The following ASMTL variants were observed in gnomAD, a reference collection of about 807,000 sequenced individuals.
ASMTL encodes the protein probable bifunctional dTTP/UTP pyrophosphatase/methyltransferase protein.
In ASMTL, 57 loss-of-function variants were observed where a neutral mutation model predicts 60.3. That is an observed-to-expected ratio of 0.95 (90% confidence interval 0.76 to 1.18). The LOEUF is 1.18. Among genes scored for constraint, ASMTL ranks in the 50% most tolerant of loss-of-function variants. ASMTL has a pLI of 0.00. For synonymous variants in ASMTL, 419 were observed against 373.0 expected, an observed-to-expected ratio of 1.12 and a Z score of -1.42; for missense variants, 981 against 852.6, an observed-to-expected ratio of 1.15 and a Z score of -1.88.
At chrX:1,446,220 G>A (rs1569534918) in intron 1 of ASMTL, among the ~76,000 whole-genome samples, 1 of 152,092 alleles carries the variant, frequency 6.6e-6, no homozygotes, top group Admixed American at 6.6e-5. Context: ...GCAGGGAAGG[G>A]CCCCCTGTCC....
At chrX:1,452,264 C>CGA (rs2091414535) in intron 1 of ASMTL, among the ~76,000 whole-genome samples, 1 of 146,310 alleles carries the variant, frequency 6.8e-6, no homozygotes, top group Admixed American at 6.7e-5. Context: ...TCCCGGGTTA[C>CGA]TCCCCCACCC....
intron 6 of ASMTL, among the ~76,000 whole-genome samples, chrX:1,428,646 C>CAAATAAATAAAATAAATAAAT (rs1556661381): frequency 7.4e-6 from 1 of 134,420 alleles, no homozygotes; most frequent in African/African-American, 2.7e-5. Context: ...GACTCCGTCT[C>CAAATAAATAAAATAAATAAAT]AAATAAATAA....
intron 11 of ASMTL, 151 bp from the exon 12 acceptor site, chrX:1,413,005 T>C: frequency 1.2e-6 from 1 of 827,872 alleles, no homozygotes; most frequent in Non-Finnish European, 2.0e-6. Flanking sequence ...TACATCCCCG[T>C]GGGGACTTGA....
In ASMTL at chrX:1,418,731, C is replaced by G. The variant is rs186038139; in HGVS notation, c.1378+251G>C. Among the ~76,000 whole-genome samples, 102 of 152,194 alleles carry G rather than the reference C, an allele frequency of 6.7e-4. 1 individual carries two copies. In the East Asian group the frequency reaches 0.018, roughly 27 times the overall value. ...CTTGCTGAGGGGAATCCAGGGGTTCCAAGGTGCTCTGCCTCAGCTCCGCAG... is the reference window on the plus strand; with the variant it reads ...CTTGCTGAGGGGAATCCAGGGGTTCGAAGGTGCTCTGCCTCAGCTCCGCAG... On this transcript the variant is annotated intron_variant, in intron 10 of 12. Transcript: ENST00000381317.
At chrX:1,446,600 A>C (rs1343120776) in intron 1 of ASMTL, among the ~76,000 whole-genome samples, 54 of 151,072 alleles carry the variant, frequency 3.6e-4, no homozygotes, top group Admixed American at 3.1e-3. Flanking sequence ...CCCAGGTTCA[A>C]GCGATTCTCC....
In ASMTL at chrX:1,443,239, G is replaced by A. The variant is rs1451715043; in HGVS notation, c.94-922C>T. On this transcript the variant is annotated intron_variant, in intron 1 of 12. Transcript: ENST00000381317. ...CACACCGTCGTCGTGCACACACACC[G>A]CCGTCGTGGACACACGCCGCCGTCT... is the stretch of plus-strand genomic sequence containing the variant. 1.5e-3 allele frequency among the ~76,000 whole-genome samples: 108 copies of A among 72,226 alleles called. 3 individuals are homozygous for A. Among genetic ancestry groups the A allele is most frequent in the East Asian group, 9.0e-4 (2 of 2,232 alleles). The allele number at this position is 72,226 out of a possible 152,430, so 47.4% of individuals were successfully genotyped here. A position where few individuals can be genotyped will look rare whatever the true frequency, so the allele number is the denominator to read the frequency against.
chrX:1,445,718 A>G (rs2091217276), intron 1 of ASMTL, among the ~76,000 whole-genome samples: 1 of 152,212 alleles, frequency 6.6e-6, no homozygotes, highest in African/African-American at 2.4e-5. Context: ...GATCTTAGAT[A>G]TGGTTATATA....
At chrX:1,432,783 C>T (rs182875746) in intron 5 of ASMTL, among the ~76,000 whole-genome samples, 3,197 of 150,634 alleles carry the variant, frequency 0.021, 8 homozygotes, top group East Asian at 0.061. Flanking sequence ...GAGCCGAGAT[C>T]GCGCCCCTGC....
At position 1,427,728 on chromosome X, in the gene ASMTL, A is replaced by T. The variant is rs1368173612; in HGVS notation, c.897+6T>A. The stretch of plus-strand genomic sequence containing the variant: ...AAATGTGGCCTGAGGAGACAGACAC[A>T]GGTACCTTGGATAGCATAAAGCCCT... On this transcript the variant is annotated splice_donor_region_variant and intron_variant, in intron 7 of 12. Coordinates refer to ENST00000381317, the MANE Select transcript of ASMTL (RefSeq NM_004192.4). The T allele has an allele frequency of 1.9e-6, 3 of 1,597,628 alleles. No individual in the cohort carries two copies. The highest frequency in any genetic ancestry group is 1.7e-6 in the Non-Finnish European group (2 of 1,168,558).
At position 1,417,991 on chromosome X, in the gene ASMTL, G is replaced by T. The variant is rs372399612; in HGVS notation, c.1504C>A (p.Gln502Lys). The T allele has an allele frequency of 6.2e-7, 1 of 1,612,488 alleles. No individual in the cohort carries two copies. Among genetic ancestry groups the T allele is most frequent in the Non-Finnish European group, 8.5e-7 (1 of 1,179,086 alleles). ...HFQPPGPQAVQIHFAAGDFFR... is the reference protein window; with the variant it reads ...HFQPPGPQAVKIHFAAGDFFR... ...GGCTCACCTGCTGCGAAGTGGATCT[G>T]CACTGCCTGCGGTCCGGGGGGTTGG... The change falls in exon 11 of 13, where the codon CAG becomes AAG. Residue 502 changes from glutamine to lysine, a missense_variant. Transcript: ENST00000381317.
Position 1,420,938 on chromosome X carries a change from A to C in ASMTL, c.1245+720T>G, listed in dbSNP as rs2090468851. 7.4e-5 allele frequency among the ~76,000 whole-genome samples: 11 copies of C among 148,476 alleles called. No homozygotes were observed. In the South Asian group the frequency reaches 2.4e-3, roughly 32 times the overall value. On this transcript the variant is annotated intron_variant, in intron 9 of 12. Transcript: ENST00000381317. The stretch of plus-strand genomic sequence containing the variant: ...CCTGGGCCTCCCAAAGTAGCTGCCT[A>C]ATCATACCTGGCTAATCGTTAATTT...
chrX:1,425,671 C>T lies in ASMTL; in HGVS notation c.914G>A (p.Cys305Tyr). 1 of 1,613,568 alleles carries T rather than the reference C, an allele frequency of 6.2e-7. No individual in the cohort carries two copies. The highest frequency in any genetic ancestry group is 8.5e-7 in the Non-Finnish European group (1 of 1,179,740). ...FMLSKGLLTACKLKVFDLLKD... is the reference protein window; with the variant it reads ...FMLSKGLLTAYKLKVFDLLKD... ...TAACAAATCGAACACCTTCAGTTTGCAAGCGGTGAGCAGGCCCTGTTAAAA... is the reference window on the plus strand; with the variant it reads ...TAACAAATCGAACACCTTCAGTTTGTAAGCGGTGAGCAGGCCCTGTTAAAA... Residue 305 changes from cysteine to tyrosine, a missense_variant, in exon 8 of 13, where the codon TGC becomes TAC. Coordinates refer to ENST00000381317, the MANE Select transcript of ASMTL (RefSeq NM_004192.4).
intron 6 of ASMTL, among the ~76,000 whole-genome samples, chrX:1,428,646 C>CAAATAAAT (rs1229272093): frequency 0.02 from 2,690 of 134,488 alleles, 50 homozygotes; most frequent in Middle Eastern, 0.078. Context: ...GACTCCGTCT[C>CAAATAAAT]AAATAAATAA....
At position 1,435,680 on chromosome X, in the gene ASMTL, A is replaced by G; in HGVS notation, c.338+14T>C. The G allele has an allele frequency of 1.2e-6, 2 of 1,613,450 alleles. No homozygotes were observed. The highest frequency in any genetic ancestry group is 1.7e-6 in the Non-Finnish European group (2 of 1,179,768). On this transcript the variant is annotated intron_variant, in intron 4 of 12. Transcript: ENST00000381317. ...CAGAACCCGAGAGGGCTCAGAGGCC[A>G]ACATGGTGCTTACCGGGACAGCATC... is the stretch of plus-strand genomic sequence containing the variant.
At chrX:1,412,963 A>C (rs60052011) in intron 11 of ASMTL, 109 bp from the exon 12 acceptor site, 130 of 1,053,742 alleles carry the variant, frequency 1.2e-4, no homozygotes, top group Non-Finnish European at 1.2e-4. Context: ...CAGAGAAGAG[A>C]GGGGTGTGGG....
Position 1,428,066 on chromosome X carries a change from C to T in ASMTL, c.565G>A (p.Val189Ile), listed in dbSNP as rs374915200. 5.8e-5 allele frequency: 94 copies of T among 1,613,220 alleles called. No homozygotes were observed. Among genetic ancestry groups the T allele is most frequent in the South Asian group, 9.9e-5 (9 of 91,058 alleles). ...QALGGMLVESVHGDFLNVVGF... is the reference protein window; with the variant it reads ...QALGGMLVESIHGDFLNVVGF... ...ACCACGTTCAGAAAGTCCCCGTGTA[C>T]GGACTCCACCAGCATGCCGCCCAGG... is the stretch of plus-strand genomic sequence containing the variant. The change falls in exon 7 of 13, where the codon GTA (valine) becomes ATA (isoleucine). Residue 189 changes from valine (V) to isoleucine (I), a missense_variant. Coordinates refer to ENST00000381317, the MANE Select transcript of ASMTL (RefSeq NM_004192.4).
At chrX:1,435,278 C>A in intron 4 of ASMTL, 195 bp from the exon 5 acceptor site, 1 of 676,322 alleles carries the variant, frequency 1.5e-6, no homozygotes. Context: ...GGTCACAAAT[C>A]CCACCAGCAG....
At chrX:1,417,290 CACAG>C (rs1418603170) in intron 11 of ASMTL, among the ~76,000 whole-genome samples, 19 of 49,634 alleles carry the variant, frequency 3.8e-4, no homozygotes, top group Middle Eastern at 0.011. Flanking sequence ...CAAATGCAGA[CACAG>C]ACGGGCACAC....
At chrX:1,441,094 A>G (rs2091096291) in intron 2 of ASMTL, among the ~76,000 whole-genome samples, 1 of 152,090 alleles carries the variant, frequency 6.6e-6, no homozygotes, top group South Asian at 2.1e-4. Flanking sequence ...ATTATAAATG[A>G]TATTATTTTA....
Sources: allele counts gnomAD v4.1 joint callset (sites outside exome capture counted in the v4.1 genomes callset), GRCh38; gene constraint gnomAD v4.1.1; transcripts MANE v1.5; gene names NCBI Gene and HGNC (gene_info 2026-07-23, HGNC 2026-07-21).